The following ADCY2 variants were observed in gnomAD, a reference collection of about 807,000 sequenced individuals.
ADCY2 encodes the protein adenylate cyclase 2.
In ADCY2, 31 loss-of-function variants were observed where a neutral mutation model predicts 125.2. That is an observed-to-expected ratio of 0.25 (90% CI 0.19 to 0.33). The LOEUF is 0.33. Ranked by LOEUF, ADCY2 falls within the 10% of genes least tolerant of loss-of-function variation. ADCY2 has a pLI of 1.00. For missense variants in ADCY2, 904 were observed against 1,418.2 expected (o/e 0.64, Z 5.82); for synonymous variants, 512 against 548.4 (o/e 0.93, Z 0.93).
At chr5:7,621,002 T>C (rs1445009759) in intron 3 of ADCY2, among the ~76,000 whole-genome samples, 2 of 152,190 alleles carry the variant, frequency 1.3e-5, no homozygotes, top group African/African-American at 4.8e-5. Context: ...TGGGCCATTT[T>C]AGTTTGCCAC....
chr5:7,555,680 A>G (rs1232455960), intron 3 of ADCY2, among the ~76,000 whole-genome samples: 1 of 152,228 alleles, frequency 6.6e-6, no homozygotes, highest in Non-Finnish European at 1.5e-5. Flanking sequence ...TGACATTCCC[A>G]TAACTTTAGG....
intron 4 of ADCY2, among the ~76,000 whole-genome samples, chr5:7,654,871 T>G (rs1739266196): frequency 6.6e-6 from 1 of 152,190 alleles, no homozygotes; most frequent in African/African-American, 2.4e-5. Flanking sequence ...GCCGAGATCT[T>G]GGGACCTGGA....
At chr5:7,760,846 C>T (rs1743175465) in intron 16 of ADCY2, among the ~76,000 whole-genome samples, 1 of 152,154 alleles carries the variant, frequency 6.6e-6, no homozygotes, top group African/African-American at 2.4e-5. Flanking sequence ...ATTAGAAATC[C>T]AGATGCATTC....
At chr5:7,416,527 A>C (rs1343238675) in intron 2 of ADCY2, among the ~76,000 whole-genome samples, 1 of 152,202 alleles carries the variant, frequency 6.6e-6, no homozygotes, top group Non-Finnish European at 1.5e-5. Flanking sequence ...ACATAACAAT[A>C]AGGTAAACAT....
At chr5:7,432,550 T>C (rs7737816) in intron 2 of ADCY2, among the ~76,000 whole-genome samples, 123,845 of 152,126 alleles carry the variant, frequency 0.81, 50,954 homozygotes, top group African/African-American at 0.88. Context: ...AGGGGTTGAG[T>C]GCACAGGTTC....
chr5:7,641,836 G>C (rs1220335344), intron 4 of ADCY2, among the ~76,000 whole-genome samples: 2 of 146,390 alleles, frequency 1.4e-5, no homozygotes, highest in African/African-American at 5.2e-5. Flanking sequence ...TGCATCCATG[G>C]TGCTGGAAAG....
chr5:7,417,398 A>G (rs1203357847), intron 2 of ADCY2, among the ~76,000 whole-genome samples: 2 of 152,086 alleles, frequency 1.3e-5, no homozygotes, highest in Admixed American at 6.6e-5. Flanking sequence ...ATTTATTTGT[A>G]TAGAATTTTC....
chr5:7,666,102 T>G (rs1454192674), intron 4 of ADCY2, among the ~76,000 whole-genome samples: 1 of 151,776 alleles, frequency 6.6e-6, no homozygotes, highest in Non-Finnish European at 1.5e-5. Flanking sequence ...CCTCCCAAAG[T>G]GCTGGGATTA....
chr5:7,698,727 T>G (rs954438698), intron 7 of ADCY2, among the ~76,000 whole-genome samples: 1 of 152,252 alleles, frequency 6.6e-6, no homozygotes, highest in East Asian at 1.9e-4. Flanking sequence ...TCATCGTTTT[T>G]TATGGCTGCA....
rs1329349061 is a variant in ADCY2 at position 7,698,331 on chromosome 5, A to G, written c.1066A>G (p.Lys356Glu). 7.4e-6 allele frequency: 12 copies of G among 1,614,120 alleles called. No homozygotes were observed. Among genetic ancestry groups the G allele is most frequent in the Non-Finnish European group, 1.0e-5 (12 of 1,180,030 alleles). ...CCCTATATCTCTCCCTAACCATGCC[A>G]AGAACTGTGTGAAAATGGGGCTGGA... ...GLPISLPNHA[K>E]NCVKMGLDMC... Residue 356 changes from lysine to glutamate, a missense_variant, in exon 7 of 25, where the codon AAG becomes GAG. Lys to Glu is a moderately conservative substitution (Grantham distance 56, BLOSUM62 1). Coordinates refer to ENST00000338316, the MANE Select transcript of ADCY2 (RefSeq NM_020546.3).
At chr5:7,400,057 G>A (rs1357085763) in intron 1 of ADCY2, among the ~76,000 whole-genome samples, 1 of 151,862 alleles carries the variant, frequency 6.6e-6, no homozygotes, top group East Asian at 1.9e-4. Context: ...TCAGCCAGCT[G>A]TTTTCAAAAT....
chr5:7,616,396 A>G (rs1030546424), intron 3 of ADCY2, among the ~76,000 whole-genome samples: 1 of 152,212 alleles, frequency 6.6e-6, no homozygotes, highest in Non-Finnish European at 1.5e-5. Context: ...TCTCCAGCTC[A>G]TGAGAAGCCT....
At position 7,827,505 on chromosome 5, in the gene ADCY2, A is replaced by G. The variant is rs890164781; in HGVS notation, c.*634A>G. ...GATGCCATTTGTCTTTTGTAAAGTT[A>G]ATTCATTAAAAGTTTTATGTACTTT... On this transcript the variant is annotated 3_prime_UTR_variant, in exon 25 of 25. Coordinates refer to ENST00000338316, the MANE Select transcript of ADCY2 (RefSeq NM_020546.3). 1 of 152,384 alleles carries G rather than the reference A, an allele frequency of 6.6e-6. No individual in the cohort carries two copies. The highest frequency in any genetic ancestry group is 1.9e-4 in the East Asian group (1 of 5,338). 9.4% of individuals were successfully genotyped at this position (152,384 alleles called of 1,614,324 possible).
At chr5:7,602,451 A>T (rs973236759) in intron 3 of ADCY2, among the ~76,000 whole-genome samples, 1 of 152,124 alleles carries the variant, frequency 6.6e-6, no homozygotes, top group Non-Finnish European at 1.5e-5. Context: ...GCCTCTTCTC[A>T]GCTTGCAGAC....
chr5:7,792,764 T>C (rs889478271), intron 20 of ADCY2, among the ~76,000 whole-genome samples: 3 of 152,198 alleles, frequency 2.0e-5, no homozygotes, highest in Non-Finnish European at 2.9e-5. Flanking sequence ...ACTCCCAACA[T>C]TGTCTGTTCC....
intron 2 of ADCY2, among the ~76,000 whole-genome samples, chr5:7,475,629 G>C (rs1024267105): frequency 6.6e-6 from 1 of 152,122 alleles, no homozygotes; most frequent in East Asian, 1.9e-4. Context: ...CGATCCACCC[G>C]CCTCGGCCTC....
intron 20 of ADCY2, among the ~76,000 whole-genome samples, chr5:7,792,870 G>A (rs1744298679): frequency 6.6e-6 from 1 of 152,360 alleles, no homozygotes; most frequent in South Asian, 2.1e-4. Context: ...GCTGGAGGCA[G>A]GCTGAGGGAC....
At chr5:7,788,472 G>A (rs1744152534) in intron 19 of ADCY2, among the ~76,000 whole-genome samples, 1 of 152,212 alleles carries the variant, frequency 6.6e-6, no homozygotes, top group African/African-American at 2.4e-5. Flanking sequence ...GAGCCACCAT[G>A]TCTGGCTAAA....
At chr5:7,811,748 A>G (rs1744950459) in intron 22 of ADCY2, among the ~76,000 whole-genome samples, 1 of 151,958 alleles carries the variant, frequency 6.6e-6, no homozygotes, top group African/African-American at 2.4e-5. Context: ...CTTCCCCCAA[A>G]TCAGACCCTA....
Sources: allele counts gnomAD v4.1 joint callset (sites outside exome capture counted in the v4.1 genomes callset), GRCh38; gene constraint gnomAD v4.1.1; transcripts MANE v1.5; gene names NCBI Gene and HGNC (gene_info 2026-07-23, HGNC 2026-07-21).